Variants in DTD1 observed in about 807,000 individuals in gnomAD.
DTD1 encodes the protein D-aminoacyl-tRNA deacylase 1.
A neutral mutation model predicts 25.6 loss-of-function variants in DTD1; 13 were observed. The observed-to-expected ratio is 0.51, with a 90% CI of 0.33 to 0.81. The LOEUF (loss-of-function observed/expected upper bound fraction) is 0.81. Ranked by LOEUF, DTD1 falls within the 30% of genes least tolerant of loss-of-function variation. DTD1 has a pLI of 0.02. For synonymous variants in DTD1, 110 were observed against 103.6 expected (o/e 1.06, Z -0.37); for missense variants, 193 against 266.4 (o/e 0.72, Z 1.92).
chr20:18,706,505 C>T (rs6112074), intron 4 of DTD1, among the ~76,000 whole-genome samples: 2 of 152,132 alleles, frequency 1.3e-5, no homozygotes, highest in African/African-American at 2.4e-5. Context: ...GGGATTGCTC[C>T]TGAATGTGGG....
intron 3 of DTD1, among the ~76,000 whole-genome samples, chr20:18,612,947 C>T (rs528702885): frequency 7.2e-5 from 11 of 152,360 alleles, no homozygotes; most frequent in Admixed American, 4.6e-4. Flanking sequence ...GCGTGAGCCA[C>T]TGCACCTGGC....
intron 3 of DTD1, among the ~76,000 whole-genome samples, chr20:18,611,358 T>A (rs1444254656): frequency 1.3e-5 from 2 of 152,200 alleles, no homozygotes; most frequent in Non-Finnish European, 2.9e-5. Flanking sequence ...GGCTTCCAGC[T>A]CCAGTATGAA....
chr20:18,650,651 A>G (rs1404164505), intron 4 of DTD1, among the ~76,000 whole-genome samples: 2 of 152,196 alleles, frequency 1.3e-5, no homozygotes, highest in Non-Finnish European at 2.9e-5. Flanking sequence ...GCCAAAATAT[A>G]AGTTCCCCAA....
rs577292944 is a variant in DTD1, at chr20:18,760,998, A to G, written c.*20-2362A>G. On this transcript the variant is annotated intron_variant, in intron 5 of 5. Coordinates refer to ENST00000377452, the MANE Select transcript of DTD1 (RefSeq NM_080820.6). ...TTGATCTCAGACTGCTGTGCTAGCAATGAGCGAGGCTCTGTGGGCGTAGGA... is the reference window on the plus strand; with the variant it reads ...TTGATCTCAGACTGCTGTGCTAGCAGTGAGCGAGGCTCTGTGGGCGTAGGA... Among the ~76,000 whole-genome samples, 545 of 152,252 alleles carry G rather than the reference A, an allele frequency of 3.6e-3. 2 individuals are homozygous for G. Among genetic ancestry groups the G allele is most frequent in the African/African-American group, 0.012 (502 of 41,544 alleles).
At chr20:18,637,996 A>G (rs2060813825) in intron 4 of DTD1, among the ~76,000 whole-genome samples, 1 of 152,140 alleles carries the variant, frequency 6.6e-6, no homozygotes, top group Admixed American at 6.5e-5. Flanking sequence ...CATGATGCTT[A>G]CCTCAGTGCC....
chr20:18,708,243 TAATATATATTATATATATA>T (rs2061137913), intron 4 of DTD1, among the ~76,000 whole-genome samples: 1 of 20,310 alleles, frequency 4.9e-5, no homozygotes, highest in African/African-American at 2.8e-4. Flanking sequence ...TATATATATA[TAATATATATTATATATATA>T]TTTTATATAT....
At chr20:18,666,783 G>A (rs1296029975) in intron 4 of DTD1, among the ~76,000 whole-genome samples, 1 of 151,866 alleles carries the variant, frequency 6.6e-6, no homozygotes, top group East Asian at 1.9e-4. Context: ...AAATAGTTTT[G>A]TTTGCTTCAA....
In DTD1 at chr20:18,614,746, G is replaced by A. The variant is rs190792838; in HGVS notation, c.371-13381G>A. On this transcript the variant is annotated intron_variant, in intron 3 of 5. Transcript: ENST00000377452. ...AGGGTTTTTTGTGTGGGCCCATTTA[G>A]AGGCACTTCCTGTGTCCCAGCAAGC... Among the ~76,000 whole-genome samples, 510 of 152,160 alleles carry A rather than the reference G, an allele frequency of 3.4e-3. 1 individual carries two copies. Among genetic ancestry groups the A allele is most frequent in the African/African-American group, 0.012 (491 of 41,508 alleles).
At chr20:18,639,854 A>G (rs2060821684) in intron 4 of DTD1, among the ~76,000 whole-genome samples, 1 of 152,170 alleles carries the variant, frequency 6.6e-6, no homozygotes, top group Non-Finnish European at 1.5e-5. Context: ...CTAAGTCAGG[A>G]ACATGATACT....
intron 4 of DTD1, among the ~76,000 whole-genome samples, chr20:18,634,710 A>C (rs1003517942): frequency 6.6e-5 from 10 of 152,212 alleles, no homozygotes; most frequent in Non-Finnish European, 7.3e-5. Context: ...ATCTGAAAGA[A>C]ATATGTAGGG....
intron 4 of DTD1, among the ~76,000 whole-genome samples, chr20:18,696,740 G>C (rs2061078848): frequency 6.6e-6 from 1 of 151,828 alleles, no homozygotes; most frequent in Non-Finnish European, 1.5e-5. Flanking sequence ...TTTTAGTAGA[G>C]ATGGGGTTTC....
At chr20:18,717,991 T>G (rs1005064908) in intron 4 of DTD1, among the ~76,000 whole-genome samples, 4 of 152,196 alleles carry the variant, frequency 2.6e-5, no homozygotes, top group Non-Finnish European at 4.4e-5. Flanking sequence ...AAAGATGGGC[T>G]CTGTCTGGGT....
chr20:18,704,788 C>G (rs1035631534), intron 4 of DTD1, among the ~76,000 whole-genome samples: 2 of 152,084 alleles, frequency 1.3e-5, no homozygotes, highest in Admixed American at 1.3e-4. Flanking sequence ...GTCAGTAGTG[C>G]TGAGGTTGAG....
intron 4 of DTD1, among the ~76,000 whole-genome samples, chr20:18,701,495 T>C (rs4813339): frequency 0.84 from 127,802 of 152,180 alleles, 54,540 homozygotes; most frequent in Non-Finnish European, 0.93. Context: ...TTATGCCTTT[T>C]CTTCCTCCTG....
rs2061376050 is a variant in DTD1, at chr20:18,765,357, T to A, written c.*2017T>A. 6.6e-6 allele frequency: 1 copy of A among 152,228 alleles called. No individual in the cohort carries two copies. Among genetic ancestry groups the A allele is most frequent in the Non-Finnish European group, 1.5e-5 (1 of 68,050 alleles). 9.4% of individuals were successfully genotyped at this position (152,228 alleles called of 1,614,324 possible). A position where few individuals can be genotyped will look rare whatever the true frequency, so the allele number is the denominator to read the frequency against. On this transcript the variant is annotated 3_prime_UTR_variant, in exon 6 of 6. Coordinates refer to ENST00000377452, the MANE Select transcript of DTD1 (RefSeq NM_080820.6). ...GGAAGGTGATGTTGGGAGCTTTTGG[T>A]GTTTGAGCAGAAATTCTGAGCCTAT...
At chr20:18,644,522 A>C (rs963704688) in intron 4 of DTD1, among the ~76,000 whole-genome samples, 1 of 152,238 alleles carries the variant, frequency 6.6e-6, no homozygotes, top group South Asian at 2.1e-4. Context: ...ATAAAATACC[A>C]GGTAGGCTCA....
Position 18,763,987 on chromosome 20 carries a change from T to C in DTD1, c.*647T>C, listed in dbSNP as rs532337436. On this transcript the variant is annotated 3_prime_UTR_variant, in exon 6 of 6. Coordinates refer to ENST00000377452, the MANE Select transcript of DTD1 (RefSeq NM_080820.6). The stretch of plus-strand genomic sequence containing the variant: ...TGCGTCTGACCTCTCTCTATGCGTA[T>C]CTACACTTCTTTTCACATAAGTCTC... 1.3e-5 allele frequency: 2 copies of C among 152,356 alleles called. No individual in the cohort carries two copies. Among genetic ancestry groups the C allele is most frequent in the Admixed American group, 1.3e-4 (2 of 15,308 alleles). The allele number at this position is 152,356 out of a possible 1,614,324, so 9.4% of individuals were successfully genotyped here.
chr20:18,661,561 C>T (rs951512345), intron 4 of DTD1, among the ~76,000 whole-genome samples: 12 of 151,998 alleles, frequency 7.9e-5, no homozygotes, highest in South Asian at 2.1e-4. Flanking sequence ...TTAGTAGAGA[C>T]GGGGTTTCAC....
chr20:18,614,900 C>T (rs569033385), intron 3 of DTD1, among the ~76,000 whole-genome samples: 35 of 151,992 alleles, frequency 2.3e-4, no homozygotes, highest in Non-Finnish European at 5.0e-4. Context: ...CTAAAACGGC[C>T]GCAGTGTACC....
Sources: gnomAD v4.1 joint callset for allele counts (sites outside exome capture counted in the v4.1 genomes callset) on GRCh38, gnomAD v4.1.1 for gene constraint, MANE v1.5 for transcripts, NCBI Gene and HGNC (gene_info 2026-07-23, HGNC 2026-07-21) for gene names.